Variants in COPG1 observed in about 807,000 individuals in gnomAD.
COPG1 encodes coat protein complex I subunit gamma 1, also known as coatomer subunit gamma-1.
COPG1 carries 29 observed loss-of-function variants against 102.8 expected under a neutral mutation model. The observed-to-expected ratio is 0.28, with a 90% CI of 0.21 to 0.38. The LOEUF (loss-of-function observed/expected upper bound fraction) is 0.38, where lower values mean the gene tolerates loss of function less well. Among genes scored for constraint, COPG1 ranks in the 10% least tolerant of loss-of-function variants. The pLI is 1.00. For missense variants in COPG1, 875 were observed against 1,132.7 expected (o/e 0.77, Z 3.27); for synonymous variants, 406 against 421.6 (o/e 0.96, Z 0.45).
chr3:129,259,762 C>T (rs558137920), intron 10 of COPG1, among the ~76,000 whole-genome samples: 6 of 152,232 alleles, frequency 3.9e-5, no homozygotes, highest in South Asian at 2.1e-4. Flanking sequence ...ATATGGTACC[C>T]GAATGGCTCT....
intron 20 of COPG1, 72 bp downstream of exon 20, chr3:129,272,487 C>A: frequency 7.6e-7 from 1 of 1,317,794 alleles, no homozygotes; most frequent in Non-Finnish European, 1.0e-6. Flanking sequence ...GGCGGCTGGG[C>A]ACCAGCTGTT....
intron 10 of COPG1, 26 bp from the exon 11 acceptor site, chr3:129,260,307 G>A (rs761615073): frequency 5.6e-6 from 9 of 1,611,770 alleles, no homozygotes; most frequent in Non-Finnish European, 6.8e-6. Flanking sequence ...AAGGCAACCT[G>A]ACATGTGGCA....
At chr3:129,261,811 C>G (rs557741085) in intron 12 of COPG1, among the ~76,000 whole-genome samples, 2 of 152,202 alleles carry the variant, frequency 1.3e-5, no homozygotes, top group African/African-American at 2.4e-5. Context: ...TGAAGACACT[C>G]AACTATCCAT....
chr3:129,265,418 A>C, intron 13 of COPG1, 131 bp from the exon 14 acceptor site: 1 of 1,092,798 alleles, frequency 9.2e-7, no homozygotes. Context: ...GGAAAGAGTG[A>C]TAGAGGCCCA....
At chr3:129,269,997 C>CT in intron 18 of COPG1, among the ~76,000 whole-genome samples, 1 of 147,290 alleles carries the variant, frequency 6.8e-6, no homozygotes, top group Non-Finnish European at 1.5e-5. Flanking sequence ...TTTAAGGGCC[C>CT]TTCTAGGGCA....
intron 3 of COPG1, 69 bp from the exon 4 acceptor site, chr3:129,252,554 G>T: frequency 7.4e-7 from 1 of 1,343,706 alleles, no homozygotes; most frequent in Non-Finnish European, 1.1e-6. Context: ...ATCTGGTGTG[G>T]GCTGATCCTG....
chr3:129,256,287 G>T (rs1434851004), intron 8 of COPG1, 133 bp downstream of exon 8: 2 of 699,570 alleles, frequency 2.9e-6, no homozygotes, highest in Non-Finnish European at 2.4e-6. Flanking sequence ...TTTCGTCATT[G>T]GATCATGGGA....
At chr3:129,273,939 G>C in intron 21 of COPG1, 2 of 440,020 alleles carry the variant, frequency 4.5e-6, no homozygotes, top group East Asian at 7.0e-5. Flanking sequence ...TTGGGGCAGT[G>C]GCTCAGGGCC....
At chr3:129,255,763 C>T (rs1469565981) in intron 7 of COPG1, among the ~76,000 whole-genome samples, 5 of 152,112 alleles carry the variant, frequency 3.3e-5, no homozygotes, top group Non-Finnish European at 4.4e-5. Context: ...GATTACAAAG[C>T]GTGAGCCACC....
At chr3:129,276,890 C>T (rs1940281527) in intron 23 of COPG1, among the ~76,000 whole-genome samples, 1 of 145,070 alleles carries the variant, frequency 6.9e-6, no homozygotes, top group Non-Finnish European at 1.5e-5. Flanking sequence ...GTGGCACAAT[C>T]TCTGCTCGCT....
In COPG1 at chr3:129,252,949, C is replaced by T. The variant is rs1252035155; in HGVS notation, c.317C>T (p.Thr106Ile). The part of the protein sequence containing the change: ...SCIAEDVIIV[T>I]SSLTKDMTGK... ...ATTGCAGAGGATGTCATCATTGTCA[C>T]CAGCAGGCAAGTCATGGGGTTGTGG... The change falls in exon 5 of 24, where the codon ACC (threonine) becomes ATC (isoleucine). Residue 106 changes from threonine (T) to isoleucine (I), a missense_variant. By Grantham distance (89) the Thr-to-Ile change is moderately conservative. Coordinates refer to ENST00000314797, the MANE Select transcript of COPG1 (RefSeq NM_016128.4). 3 of 1,613,870 alleles carry T rather than the reference C, an allele frequency of 1.9e-6. No individual in the cohort carries two copies. Among genetic ancestry groups the T allele is most frequent in the Non-Finnish European group, 2.5e-6 (3 of 1,179,872 alleles).
Position 129,267,035 on chromosome 3 carries a change from G to A in COPG1, c.1480G>A (p.Ala494Thr). The A allele has an allele frequency of 3.1e-6, 5 of 1,613,672 alleles. No individual in the cohort carries two copies. Among genetic ancestry groups the A allele is most frequent in the Admixed American group, 1.7e-5 (1 of 60,002 alleles). ...CTTCCTAAACACAGGTGCTGTGAGTGCTCTGGCGAAGTTTGGAGCCCAGAA... is the reference window on the plus strand; with the variant it reads ...CTTCCTAAACACAGGTGCTGTGAGTACTCTGGCGAAGTTTGGAGCCCAGAA... ...HEEVRAGAVS[A>T]LAKFGAQNEE... is the part of the protein sequence containing the mutation. Residue 494 changes from alanine to threonine, a missense_variant, in exon 15 of 24, where the codon GCT (alanine) becomes ACT (threonine). By Grantham distance (58) the Ala-to-Thr change is moderately conservative. Coordinates refer to ENST00000314797, the MANE Select transcript of COPG1 (RefSeq NM_016128.4).
At chr3:129,267,190 G>A in intron 15 of COPG1, 91 bp downstream of exon 15, 10 of 932,222 alleles carry the variant, frequency 1.1e-5, no homozygotes, top group South Asian at 3.0e-5. Flanking sequence ...AACTGAAAAG[G>A]GAGAGAAAAG....
At position 129,275,136 on chromosome 3, in the gene COPG1, G is replaced by A. The variant is rs1056421578; in HGVS notation, c.2396-58G>A. 20 of 1,532,746 alleles carry A rather than the reference G, an allele frequency of 1.3e-5. No homozygotes were observed. Among genetic ancestry groups the A allele is most frequent in the Non-Finnish European group, 1.7e-5 (19 of 1,107,302 alleles). 94.9% of individuals were successfully genotyped at this position (1,532,746 alleles called of 1,614,324 possible). On this transcript the variant is annotated intron_variant, in intron 22 of 23. Coordinates refer to ENST00000314797, the MANE Select transcript of COPG1 (RefSeq NM_016128.4). The surrounding 1 kb of genome is among the most constrained non-coding windows in gnomAD (Gnocchi z 5.0). The stretch of plus-strand genomic sequence containing the variant: ...AAAGCCCTTCAGAACATGGGGGAGT[G>A]GTGGTGGCACAAAGGGCAGATAAGA...
chr3:129,252,243 T>C (rs747664234), intron 2 of COPG1, 38 bp from the exon 3 acceptor site: 9 of 1,394,992 alleles, frequency 6.5e-6, no homozygotes, highest in Non-Finnish European at 9.2e-6. Flanking sequence ...GGAAATGAAC[T>C]AGGCTAGAAG....
rs570175744 is a variant in COPG1 at position 129,254,714 on chromosome 3, G to A, written c.370G>A (p.Ala124Thr). 9 of 1,614,026 alleles carry A rather than the reference G, an allele frequency of 5.6e-6. No homozygotes were observed. Among genetic ancestry groups the A allele is most frequent in the Non-Finnish European group, 7.6e-6 (9 of 1,179,994 alleles). The change falls in exon 6 of 24, where the codon GCC (alanine) becomes ACC (threonine). Residue 124 changes from alanine (A) to threonine (T), a missense_variant. Ala to Thr is a moderately conservative substitution (Grantham distance 58). Coordinates refer to ENST00000314797, the MANE Select transcript of COPG1 (RefSeq NM_016128.4). ...GAAAGAAGACAACTACCGGGGCCCG[G>A]CCGTGCGAGCCCTCTGCCAGATCAC... is the stretch of plus-strand genomic sequence containing the variant. Reference protein sequence around the residue: ...TGKEDNYRGPAVRALCQITDS... With the variant: ...TGKEDNYRGPTVRALCQITDS...
At chr3:129,270,278 G>A (rs12163539) in intron 18 of COPG1, among the ~76,000 whole-genome samples, 3 of 151,848 alleles carry the variant, frequency 2.0e-5, no homozygotes, top group Non-Finnish European at 2.9e-5. Flanking sequence ...CTCCTAAGCC[G>A]CTTAAAGGGT....
Position 129,267,033 on chromosome 3 carries a change from G to A in COPG1, c.1478G>A (p.Ser493Asn). ...EHEEVRAGAV[S>N]ALAKFGAQNE... ...CGCTTCCTAAACACAGGTGCTGTGA[G>A]TGCTCTGGCGAAGTTTGGAGCCCAG... The change falls in exon 15 of 24, where the codon AGT becomes AAT. Residue 493 changes from serine (S) to asparagine (N), a missense_variant. Transcript: ENST00000314797. 6.2e-7 allele frequency: 1 copy of A among 1,613,724 alleles called. No homozygotes were observed. The highest frequency in any genetic ancestry group is 8.5e-7 in the Non-Finnish European group (1 of 1,179,736).
Position 129,260,631 on chromosome 3 carries a change from C to A in COPG1, c.952C>A (p.His318Asn). The change falls in exon 12 of 24, where the codon CAT becomes AAT. Residue 318 changes from histidine to asparagine, a missense_variant. Physicochemically the swap from His to Asn is moderately conservative, Grantham distance 68. Coordinates refer to ENST00000314797, the MANE Select transcript of COPG1 (RefSeq NM_016128.4). ...CCTCCCAAAACAGGTTGCCATGAAG[C>A]ATCCGTCAGCTGTGACAGCTTGTAA... Reference protein sequence around the residue: ...VRTLNKVAMKHPSAVTACNLD... With the variant: ...VRTLNKVAMKNPSAVTACNLD... The A allele has an allele frequency of 6.2e-7, 1 of 1,614,104 alleles. No individual in the cohort carries two copies. The highest frequency in any genetic ancestry group is 8.5e-7 in the Non-Finnish European group (1 of 1,179,996).
Sources: allele counts gnomAD v4.1 joint callset (sites outside exome capture counted in the v4.1 genomes callset), GRCh38; gene constraint gnomAD v4.1.1; non-coding constraint Gnocchi (gnomAD v3.1); transcripts MANE v1.5; gene names NCBI Gene and HGNC (gene_info 2026-07-23, HGNC 2026-07-21).